Variants in LAMB4 observed in about 807,000 individuals in gnomAD.
LAMB4 encodes laminin subunit beta 4, also known as laminin subunit beta-4.
A neutral mutation model predicts 199.2 loss-of-function variants in LAMB4; 196 were observed. That is an observed-to-expected ratio of 0.98 (90% CI 0.88 to 1.11). The LOEUF is 1.11. Among genes scored for constraint, LAMB4 ranks in the 50% least tolerant of loss-of-function variants. The pLI, the probability that LAMB4 is intolerant of heterozygous loss-of-function variation, is 0.00. For missense variants in LAMB4, 2,080 were observed against 2,171.2 expected (o/e 0.96, Z 0.83); for synonymous variants, 744 against 770.6 (o/e 0.97, Z 0.57).
intron 29 of LAMB4, 75 bp from the exon 30 acceptor site, chr7:108,037,670 G>C: frequency 8.9e-7 from 1 of 1,129,332 alleles, no homozygotes; most frequent in Non-Finnish European, 1.3e-6. Context: ...TAACCACAAT[G>C]ATGTCTCAGC....
chr7:108,122,914 C>T (rs2038649833), intron 2 of LAMB4, among the ~76,000 whole-genome samples: 1 of 152,162 alleles, frequency 6.6e-6, no homozygotes, highest in Non-Finnish European at 1.5e-5. Context: ...CTGAAGATAA[C>T]ATTCCATTAA....
chr7:108,062,480 T>G (rs1332123566), intron 23 of LAMB4: 6 of 218,530 alleles, frequency 2.7e-5, no homozygotes, highest in Admixed American at 5.8e-5. Context: ...TATGGTTACA[T>G]GTATGAAATA....
intron 14 of LAMB4, among the ~76,000 whole-genome samples, chr7:108,081,323 ATGAC>A (rs1247710670): frequency 2.0e-5 from 3 of 152,060 alleles, no homozygotes; most frequent in Admixed American, 2.0e-4. Context: ...CTCACAGCCA[ATGAC>A]TGACTGATAC....
intron 17 of LAMB4, chr7:108,075,820 T>C: frequency 6.4e-6 from 1 of 157,056 alleles, no homozygotes; most frequent in South Asian, 1.7e-4. Context: ...ATTAGCCAGG[T>C]GTGGTGGCGG....
rs770651993 is a variant in LAMB4, at chr7:108,107,689, A to C, written c.533T>G (p.Val178Gly). Residue 178 changes from valine (V) to glycine (G), a missense_variant, in exon 6 of 34, where the codon GTG becomes GGG. Val to Gly is a moderately radical substitution (Grantham distance 109, BLOSUM62 -3). Transcript: ENST00000388781. The stretch of plus-strand genomic sequence containing the variant: ...TTTGGAGTCACAAACAATGTCTCCC[A>C]CTCCCTGGGCCTGGCCAGATGTGAT... ...PNITSGQAQG[V>G]GDIVCDSKYS... 6.2e-7 allele frequency: 1 copy of C among 1,612,702 alleles called. No individual in the cohort carries two copies. The highest frequency in any genetic ancestry group is 1.1e-5 in the South Asian group (1 of 90,614).
chr7:108,089,589 T>C (rs418255), intron 14 of LAMB4, among the ~76,000 whole-genome samples: 44,848 of 152,186 alleles, frequency 0.29, 7,918 homozygotes, highest in East Asian at 0.44. Context: ...AACTAATCCT[T>C]ATCTATACCA....
Position 108,103,086 on chromosome 7 carries a change from T to G in LAMB4, c.1138A>C (p.Arg380=), listed in dbSNP as rs1489254616. The change falls in exon 10 of 34, where the codon AGG becomes CGG. Residue 380 remains arginine, a synonymous_variant. Coordinates refer to ENST00000388781, the MANE Select transcript of LAMB4 (RefSeq NM_007356.3). ...TCTGAGATGGTCTTGAGCGGGTCCC[T>G]GTAGAAGAGGGGTCTGCAGCGGTCG... is the stretch of plus-strand genomic sequence containing the variant. ...HCDRCRPLFY[R]DPLKTISDPY... The G allele has an allele frequency of 8.7e-6, 14 of 1,611,734 alleles. No homozygotes were observed. In the Admixed American group the frequency reaches 2.0e-4, roughly 23 times the overall value.
Position 108,030,983 on chromosome 7 carries a change from T to C in LAMB4, c.4819-4A>G. On this transcript the variant is annotated splice_polypyrimidine_tract_variant and splice_region_variant and intron_variant, in intron 31 of 33. Coordinates refer to ENST00000388781, the MANE Select transcript of LAMB4 (RefSeq NM_007356.3). ...TTTCCCTGGTTTGATTTTCAGCCTG[T>C]TGTTGATTTAAAGACCAAAAAGGGA... The C allele has an allele frequency of 2.5e-6, 4 of 1,612,076 alleles. No individual in the cohort carries two copies. The highest frequency in any genetic ancestry group is 3.4e-6 in the Non-Finnish European group (4 of 1,178,926).
chr7:108,100,022 T>C (rs1333735406), intron 10 of LAMB4, among the ~76,000 whole-genome samples: 1 of 152,176 alleles, frequency 6.6e-6, no homozygotes, highest in Non-Finnish European at 1.5e-5. Flanking sequence ...ATCTTAATAG[T>C]GGCCAAAAGG....
chr7:108,043,619 G>A (rs1189166811), intron 29 of LAMB4, 133 bp downstream of exon 29: 7 of 105,242 alleles, frequency 6.7e-5, no homozygotes, highest in Non-Finnish European at 8.6e-5. Flanking sequence ...TCGCTCTGTC[G>A]CCCAGGCTGG....
chr7:108,078,074 T>G (rs750268530), intron 16 of LAMB4, 127 bp downstream of exon 16: 79 of 655,682 alleles, frequency 1.2e-4, no homozygotes, highest in Non-Finnish European at 2.0e-4. Context: ...ACCCAGTAAG[T>G]GCTTAATATA....
rs571010054 is a variant in LAMB4 at position 108,107,742 on chromosome 7, T to C, written c.480A>G (p.Ala160=). 2 of 1,613,868 alleles carry C rather than the reference T, an allele frequency of 1.2e-6. No individual in the cohort carries two copies. The highest frequency in any genetic ancestry group is 1.1e-5 in the South Asian group (1 of 91,048). ...GHNWKVFKYF[A]KDCATSFPNI... ...TAGGAAAGGAAGTGGCACAGTCTTT[T>C]GCAAAATATTTGAACACTTTCCAGT... The change falls in exon 6 of 34, where the codon GCA becomes GCG. Residue 160 remains alanine, a synonymous_variant. Transcript: ENST00000388781.
intron 30 of LAMB4, 118 bp from the exon 31 acceptor site, chr7:108,034,464 A>G: frequency 1.3e-6 from 1 of 770,480 alleles, no homozygotes; most frequent in Admixed American, 2.7e-5. Context: ...GTAAATTTAA[A>G]TTACTCTTAA....
chr7:108,045,877 G>A (rs1447088633), intron 28 of LAMB4, among the ~76,000 whole-genome samples: 1 of 152,102 alleles, frequency 6.6e-6, no homozygotes, highest in Non-Finnish European at 1.5e-5. Context: ...TTTATGTAGG[G>A]ATATGTTCCA....
intron 11 of LAMB4, among the ~76,000 whole-genome samples, chr7:108,097,519 C>T (rs972990540): frequency 6.6e-6 from 1 of 152,240 alleles, no homozygotes; most frequent in African/African-American, 2.4e-5. Context: ...GGCATGGCGG[C>T]TCACGCCTGT....
chr7:108,012,424 T>C, the LAMB4 span, among the ~76,000 whole-genome samples: 1 of 152,188 alleles, frequency 6.6e-6, no homozygotes, highest in Non-Finnish European at 1.5e-5. Context: ...CTATAACTGG[T>C]AATAATTAAA....
At chr7:108,096,432 C>A (rs2037599738) in intron 11 of LAMB4, among the ~76,000 whole-genome samples, 1 of 152,056 alleles carries the variant, frequency 6.6e-6, no homozygotes, top group Admixed American at 6.6e-5. Flanking sequence ...TTACTTCCAC[C>A]TTTTGGCTAG....
At chr7:108,069,960 T>C in intron 17 of LAMB4, 75 bp from the exon 18 acceptor site, 7 of 1,213,612 alleles carry the variant, frequency 5.8e-6, no homozygotes, top group Non-Finnish European at 8.0e-6. Flanking sequence ...ATAAAAAAAT[T>C]AGATCTATGA....
chr7:108,036,586 G>A lies in LAMB4; in HGVS notation c.4679+802C>T, dbSNP rs73726687. Among the ~76,000 whole-genome samples, 929 of 152,132 alleles carry A rather than the reference G, an allele frequency of 6.1e-3. 15 individuals carry two copies. Among genetic ancestry groups the A allele is most frequent in the African/African-American group, 0.02 (810 of 41,520 alleles). The stretch of plus-strand genomic sequence containing the variant: ...CTTTTGGATGAATCTGGTGCACTTC[G>A]TTTATACACGTGGATGATGAGACAG... On this transcript the variant is annotated intron_variant, in intron 30 of 33. Transcript: ENST00000388781.
Sources: gnomAD v4.1 joint callset for allele counts (sites outside exome capture counted in the v4.1 genomes callset) on GRCh38, gnomAD v4.1.1 for gene constraint, MANE v1.5 for transcripts, NCBI Gene and HGNC (gene_info 2026-07-23, HGNC 2026-07-21) for gene names.